FBXW7: variants seen among roughly 807,000 people sequenced by gnomAD.
The protein encoded by FBXW7 is F-box/WD repeat-containing protein 7.
FBXW7 carries 11 observed loss-of-function variants against 86.3 expected under a neutral mutation model. The observed-to-expected ratio is 0.13, with a 90% CI of 0.08 to 0.21. FBXW7 has a LOEUF of 0.21. FBXW7 is among the 10% of genes least tolerant of loss of function. The pLI is 1.00. For synonymous variants in FBXW7, 313 were observed against 297.9 expected, an observed-to-expected ratio of 1.05 and a Z score of -0.52; for missense variants, 488 against 847.4, an observed-to-expected ratio of 0.58 and a Z score of 5.27.
intron 4 of FBXW7, among the ~76,000 whole-genome samples, chr4:152,391,029 A>G (rs574174173): frequency 3.4e-4 from 52 of 152,192 alleles, no homozygotes; most frequent in African/African-American, 1.2e-3. Flanking sequence ...GGAGGGGGAC[A>G]TTATTTCCTA....
chr4:152,343,863 T>C lies in FBXW7; in HGVS notation c.726+3067A>G, dbSNP rs2126619804. 1.3e-5 allele frequency among the ~76,000 whole-genome samples: 2 copies of C among 152,262 alleles called. 1 individual carries two copies. The highest frequency in any genetic ancestry group is 4.1e-4 in the South Asian group (2 of 4,828). Reference sequence around the variant, plus strand: ...TTTTGTCTTTAATTTGCACTTCTATTTTCTAGTGGCATTCTGTTTCAGTCC... The same window carrying C: ...TTTTGTCTTTAATTTGCACTTCTATCTTCTAGTGGCATTCTGTTTCAGTCC... On this transcript the variant is annotated intron_variant, in intron 6 of 13. Coordinates refer to ENST00000281708, the MANE Select transcript of FBXW7 (RefSeq NM_001349798.2).
intron 2 of FBXW7, among the ~76,000 whole-genome samples, chr4:152,496,378 T>C (rs1746340965): frequency 6.6e-6 from 1 of 151,620 alleles, no homozygotes; most frequent in African/African-American, 2.4e-5. Context: ...AAAAATCTAA[T>C]GAAGACTTCT....
At chr4:152,509,592 T>G (rs1747774418) in intron 2 of FBXW7, among the ~76,000 whole-genome samples, 1 of 152,068 alleles carries the variant, frequency 6.6e-6, no homozygotes, top group African/African-American at 2.4e-5. Flanking sequence ...TAAAAAAAAA[T>G]GAAGGAATAA....
intron 2 of FBXW7, among the ~76,000 whole-genome samples, chr4:152,440,636 A>C (rs1428878312): frequency 6.6e-6 from 1 of 152,208 alleles, no homozygotes; most frequent in Non-Finnish European, 1.5e-5. Flanking sequence ...ATGTCAAATC[A>C]CTAAAGTTAT....
intron 4 of FBXW7, among the ~76,000 whole-genome samples, chr4:152,407,801 C>T (rs1737559359): frequency 6.6e-6 from 1 of 152,092 alleles, no homozygotes; most frequent in Non-Finnish European, 1.5e-5. Flanking sequence ...ACCTCCTGGG[C>T]CCAAATGATC....
At chr4:152,474,065 G>A (rs930650079) in intron 2 of FBXW7, among the ~76,000 whole-genome samples, 3 of 152,156 alleles carry the variant, frequency 2.0e-5, no homozygotes, top group Admixed American at 2.0e-4. Context: ...AAGAGCCAAT[G>A]GTGACCAAAT....
intron 2 of FBXW7, among the ~76,000 whole-genome samples, chr4:152,463,055 A>G (rs1330576768): frequency 1.3e-5 from 2 of 151,762 alleles, no homozygotes; most frequent in African/African-American, 4.8e-5. Flanking sequence ...TGGGAGGCTG[A>G]GACAGGTGGG....
intron 2 of FBXW7, among the ~76,000 whole-genome samples, chr4:152,498,531 T>A (rs1363841359): frequency 6.6e-6 from 1 of 152,170 alleles, no homozygotes; most frequent in Non-Finnish European, 1.5e-5. Flanking sequence ...GAACCTTGAA[T>A]CTAATAGGTG....
At chr4:152,396,349 A>G (rs905996366) in intron 4 of FBXW7, among the ~76,000 whole-genome samples, 1 of 152,014 alleles carries the variant, frequency 6.6e-6, no homozygotes, top group African/African-American at 2.4e-5. Context: ...ATATGCATTT[A>G]GCATAGTAAT....
intron 4 of FBXW7, among the ~76,000 whole-genome samples, chr4:152,390,344 C>T (rs74925194): frequency 0.014 from 2,079 of 151,808 alleles, 27 homozygotes; most frequent in Middle Eastern, 0.038. Flanking sequence ...TCAGAAATGC[C>T]CAGTATGAAG....
intron 2 of FBXW7, among the ~76,000 whole-genome samples, chr4:152,533,574 G>C (rs562976640): frequency 1.3e-5 from 2 of 152,268 alleles, no homozygotes; most frequent in African/African-American, 4.8e-5. Flanking sequence ...GTGGTCAAAT[G>C]AAAGACATTA....
chr4:152,510,478 A>G (rs1747858657), intron 2 of FBXW7, among the ~76,000 whole-genome samples: 1 of 152,196 alleles, frequency 6.6e-6, no homozygotes, highest in Non-Finnish European at 1.5e-5. Context: ...TGTGAAAAAT[A>G]ATTTTTTAAC....
At chr4:152,424,545 A>G (rs1739210821) in intron 2 of FBXW7, among the ~76,000 whole-genome samples, 1 of 152,250 alleles carries the variant, frequency 6.6e-6, no homozygotes, top group Non-Finnish European at 1.5e-5. Context: ...CTAAACAAGA[A>G]GTACCCTGCA....
At chr4:152,418,970 A>G (rs1452265426) in intron 2 of FBXW7, among the ~76,000 whole-genome samples, 4 of 152,160 alleles carry the variant, frequency 2.6e-5, no homozygotes, top group African/African-American at 9.6e-5. Flanking sequence ...AAATTCAAAA[A>G]TAATAATTTT....
chr4:152,380,573 A>C (rs958244977), intron 4 of FBXW7, among the ~76,000 whole-genome samples: 6 of 151,852 alleles, frequency 4.0e-5, no homozygotes, highest in Non-Finnish European at 8.8e-5. Flanking sequence ...AGTCAAATTA[A>C]ATAGTGACCC....
At chr4:152,364,859 T>C (rs1016396471) in intron 4 of FBXW7, among the ~76,000 whole-genome samples, 1 of 152,186 alleles carries the variant, frequency 6.6e-6, no homozygotes, top group Non-Finnish European at 1.5e-5. Flanking sequence ...TTCTACCTAA[T>C]ATACATAATT....
chr4:152,473,486 C>T (rs1347169336), intron 2 of FBXW7, among the ~76,000 whole-genome samples: 1 of 151,856 alleles, frequency 6.6e-6, no homozygotes, highest in Non-Finnish European at 1.5e-5. Flanking sequence ...GAAGAAAAAC[C>T]TGTATATATA....
intron 2 of FBXW7, among the ~76,000 whole-genome samples, chr4:152,467,118 C>T (rs1404649174): frequency 1.3e-5 from 2 of 152,126 alleles, no homozygotes; most frequent in East Asian, 3.8e-4. Flanking sequence ...TATGGTTTGG[C>T]TGTGTCCAAA....
At chr4:152,382,065 T>C in intron 4 of FBXW7, 1 of 545,576 alleles carries the variant, frequency 1.8e-6, no homozygotes, top group Non-Finnish European at 3.1e-6. Context: ...GTTTACTGGC[T>C]ACACAATGCA....
Sources: allele counts gnomAD v4.1 joint callset (sites outside exome capture counted in the v4.1 genomes callset), GRCh38; gene constraint gnomAD v4.1.1; transcripts MANE v1.5; gene names NCBI Gene and HGNC (gene_info 2026-07-23, HGNC 2026-07-21).